The following APTX variants were observed in gnomAD, a reference collection of about 807,000 sequenced individuals.
The protein encoded by APTX is aprataxin.
Under a neutral mutation model 42.3 loss-of-function variants are expected in APTX, and 33 were observed. The observed-to-expected ratio is 0.78, with a 90% CI of 0.59 to 1.04. APTX has a LOEUF of 1.04. Among genes scored for constraint, APTX ranks in the 50% least tolerant of loss-of-function variants. The pLI is 0.00. For synonymous variants in APTX, 130 were observed against 146.7 expected, an observed-to-expected ratio of 0.89 and a Z score of 0.82; for missense variants, 421 against 415.1, an observed-to-expected ratio of 1.01 and a Z score of -0.12.
chr9:33,002,634 T>C (rs1836747671), upstream of APTX, among the ~76,000 whole-genome samples: 1 of 152,192 alleles, frequency 6.6e-6, no homozygotes, highest in Non-Finnish European at 1.5e-5. Flanking sequence ...CACTTGCCCA[T>C]GCTGCTGTTT....
intron 1 of APTX, among the ~76,000 whole-genome samples, chr9:33,008,798 C>T (rs112544802): frequency 2.6e-5 from 4 of 152,120 alleles, no homozygotes; most frequent in Admixed American, 2.0e-4. Flanking sequence ...GTGACCCACC[C>T]GCCTCTACCT....
intron 1 of APTX, 172 bp downstream of exon 1, chr9:33,001,395 G>T: frequency 6.5e-7 from 1 of 1,533,758 alleles, no homozygotes; most frequent in Non-Finnish European, 8.7e-7. Context: ...AGCGCCCGCT[G>T]AAACAGCCCA....
intron 1 of APTX, among the ~76,000 whole-genome samples, chr9:33,013,615 G>A (rs1447897975): frequency 6.6e-6 from 1 of 152,110 alleles, no homozygotes; most frequent in South Asian, 2.1e-4. Context: ...GACCATCCTG[G>A]CTAACACGGT....
intron 4 of APTX, among the ~76,000 whole-genome samples, chr9:32,986,936 G>A (rs1832329840): frequency 6.6e-6 from 1 of 152,098 alleles, no homozygotes; most frequent in South Asian, 2.1e-4. Context: ...AGCCTCCCGA[G>A]TAGCTGGGAT....
intron 1 of APTX, among the ~76,000 whole-genome samples, chr9:33,012,005 T>C (rs921720059): frequency 6.6e-6 from 1 of 152,242 alleles, no homozygotes; most frequent in Non-Finnish European, 1.5e-5. Flanking sequence ...TCTACACATT[T>C]ACACCATTCA....
chr9:32,977,871 T>C (rs1829818564), intron 6 of APTX, among the ~76,000 whole-genome samples: 1 of 152,010 alleles, frequency 6.6e-6, no homozygotes, highest in African/African-American at 2.4e-5. Context: ...AGATACCATA[T>C]AATTATCATA....
At chr9:33,000,625 C>CAAAAAAAAA (rs60760701) in intron 1 of APTX, among the ~76,000 whole-genome samples, 27 of 63,404 alleles carry the variant, frequency 4.3e-4, no homozygotes, top group African/African-American at 1.1e-3. Context: ...GACTCTGTCT[C>CAAAAAAAAA]AAAAAAAAAA....
chr9:33,009,658 G>A lies in APTX; in HGVS notation c.-5+15365C>T, dbSNP rs117809242. 8.0e-3 allele frequency among the ~76,000 whole-genome samples: 1,223 copies of A among 151,996 alleles called. 4 individuals are homozygous for A. The highest frequency in any genetic ancestry group is 0.012 in the Non-Finnish European group (811 of 67,984). On this transcript the variant is annotated intron_variant, in intron 1 of 6. Coordinates refer to the APTX transcript ENST00000436040. ...GCCGGGCACGGTGGTATGTGCCCGTGATCCCAGCTACTTGAGAGACTGAGG... is the reference window on the plus strand; with the variant it reads ...GCCGGGCACGGTGGTATGTGCCCGTAATCCCAGCTACTTGAGAGACTGAGG...
At chr9:33,024,278 G>C (rs1429174460) in intron 1 of APTX, among the ~76,000 whole-genome samples, 1 of 152,212 alleles carries the variant, frequency 6.6e-6, no homozygotes, top group Admixed American at 6.5e-5. Flanking sequence ...GTCCCAAAGT[G>C]CTGGGATTAC....
upstream of APTX, among the ~76,000 whole-genome samples, chr9:33,004,733 G>C (rs1837008583): frequency 6.7e-6 from 1 of 149,900 alleles, no homozygotes; most frequent in African/African-American, 2.5e-5. Flanking sequence ...CGCGGCTTAA[G>C]GCGATTCTCC....
upstream of APTX, among the ~76,000 whole-genome samples, chr9:33,006,123 A>T (rs1402753263): frequency 2.6e-5 from 4 of 151,936 alleles, no homozygotes; most frequent in Admixed American, 1.3e-4. Context: ...GAGATCTCAC[A>T]TGAAAACCTG....
At chr9:33,000,852 T>TTTTC (rs1836236829) in intron 1 of APTX, among the ~76,000 whole-genome samples, 1 of 141,628 alleles carries the variant, frequency 7.1e-6, no homozygotes, top group Non-Finnish European at 1.5e-5. Flanking sequence ...TTTCTTTTTT[T>TTTTC]TTTTTTTTTT....
intron 1 of APTX, chr9:33,019,634 G>A (rs910079136): frequency 2.0e-4 from 78 of 399,558 alleles, no homozygotes; most frequent in African/African-American, 1.6e-3. Context: ...CCCTGCCCTA[G>A]GGAGGATGGA....
intron 1 of APTX, among the ~76,000 whole-genome samples, chr9:33,017,616 A>T (rs1837994155): frequency 6.6e-6 from 1 of 152,192 alleles, no homozygotes; most frequent in Non-Finnish European, 1.5e-5. Context: ...AGGTTCTCAC[A>T]ACCGCCTTAG....
intron 2 of APTX, 35 bp from the exon 3 acceptor site, chr9:32,988,164 A>AAC (rs758718457): frequency 6.2e-7 from 1 of 1,601,040 alleles, no homozygotes; most frequent in Admixed American, 1.7e-5. Context: ...ACACAAATGC[A>AAC]ACAAAGAACC....
rs144143473 is a variant in APTX, at chr9:33,018,701, A to C, written c.-5+6322T>G. Among the ~76,000 whole-genome samples, 1,036 of 151,362 alleles carry C rather than the reference A, an allele frequency of 6.8e-3. 8 individuals carry two copies. Among genetic ancestry groups the C allele is most frequent in the Middle Eastern group, 0.041 (12 of 290 alleles). On this transcript the variant is annotated intron_variant, in intron 1 of 6. Transcript: ENST00000436040. Reference sequence around the variant, plus strand: ...AAGACCAGCCTGGCCAACATAGTGAAACCCCATCTCTACTAAAAATACAAA... The same window carrying C: ...AAGACCAGCCTGGCCAACATAGTGACACCCCATCTCTACTAAAAATACAAA...
At position 33,001,606 on chromosome 9, in the gene APTX, T is replaced by G. The variant is rs1427697513; in HGVS notation, c.-44A>C. 1 of 1,613,972 alleles carries G rather than the reference T, an allele frequency of 6.2e-7. No individual in the cohort carries two copies. Among genetic ancestry groups the G allele is most frequent in the South Asian group, 1.1e-5 (1 of 91,056 alleles). ...GACGGACAAATTCACGTTACTCATC[T>G]GTGCCTCACCGCTTCCGGCGCTGCG... On this transcript the variant is annotated 5_prime_UTR_variant, in exon 1 of 8. Transcript: ENST00000379817.
chr9:33,002,333 T>G (rs1352873961), upstream of APTX, among the ~76,000 whole-genome samples: 1 of 152,198 alleles, frequency 6.6e-6, no homozygotes, highest in Non-Finnish European at 1.5e-5. Context: ...GTTTCTGAAT[T>G]TTCTGCTAGG....
At chr9:33,024,864 G>C (rs1179236594) in intron 1 of APTX, 2 of 49,708 alleles carry the variant, frequency 4.0e-5, no homozygotes, top group East Asian at 3.9e-4. Context: ...CCGTAAGAGG[G>C]GGGGGGGGGG....
Sources: allele counts gnomAD v4.1 joint callset (sites outside exome capture counted in the v4.1 genomes callset), GRCh38; gene constraint gnomAD v4.1.1; transcripts MANE v1.5; gene names NCBI Gene and HGNC (gene_info 2026-07-23, HGNC 2026-07-21).